Variants in KANK1 observed in about 807,000 individuals in gnomAD.
The protein encoded by KANK1 is KN motif and ankyrin repeat domain-containing protein 1.
Under a neutral mutation model 106.2 loss-of-function variants are expected in KANK1, and 109 were observed. That is an observed-to-expected ratio of 1.03 (90% CI 0.88 to 1.20). The LOEUF is 1.20. KANK1 is among the 50% of genes most tolerant of loss of function. KANK1 has a pLI of 0.00. For synonymous variants in KANK1, 873 were observed against 652.2 expected (o/e 1.34, Z -5.16); for missense variants, 2,399 against 1,710.7 (o/e 1.40, Z -7.10).
chr9:742,175 T>C (rs1357406827), intron 9 of KANK1, 30 bp from the exon 10 acceptor site: 1 of 1,605,930 alleles, frequency 6.2e-7, no homozygotes, highest in Admixed American at 1.7e-5. Context: ...CAGTACGTAC[T>C]TCTGAAGTCC....
At chr9:659,225 C>G (rs1023080840) in intron 1 of KANK1, among the ~76,000 whole-genome samples, 1 of 152,168 alleles carries the variant, frequency 6.6e-6, no homozygotes. Flanking sequence ...GGGATGTTTT[C>G]TAAATCCCTA....
At chr9:505,997 A>C (rs963888786) in intron 1 of KANK1, among the ~76,000 whole-genome samples, 24 of 152,192 alleles carry the variant, frequency 1.6e-4, no homozygotes, top group African/African-American at 5.8e-4. Flanking sequence ...AATGTTGAGC[A>C]CGTTTTATTT....
intron 2 of KANK1, chr9:677,622 A>G (rs1011398244): frequency 1.3e-5 from 2 of 152,248 alleles, no homozygotes; most frequent in African/African-American, 4.8e-5. Flanking sequence ...AGATCCTCCT[A>G]AGAGACACAT....
At chr9:567,622 A>G (rs1563781734) in intron 1 of KANK1, among the ~76,000 whole-genome samples, 1 of 152,176 alleles carries the variant, frequency 6.6e-6, no homozygotes, top group Non-Finnish European at 1.5e-5. Flanking sequence ...CTTTTGCAGC[A>G]TTTCTTAGTT....
chr9:714,269 C>T (rs762454526), intron 3 of KANK1, among the ~76,000 whole-genome samples: 1 of 151,600 alleles, frequency 6.6e-6, no homozygotes, highest in Non-Finnish European at 1.5e-5. Flanking sequence ...AAATTAACTC[C>T]GGTTATGGGA....
chr9:721,121 A>C (rs1186456341), intron 3 of KANK1, among the ~76,000 whole-genome samples: 1 of 152,190 alleles, frequency 6.6e-6, no homozygotes, highest in Non-Finnish European at 1.5e-5. Flanking sequence ...TGGCATGTTT[A>C]CAGAGTGCTT....
chr9:625,113 C>T (rs1834043192), intron 1 of KANK1, among the ~76,000 whole-genome samples: 3 of 152,192 alleles, frequency 2.0e-5, no homozygotes, highest in Admixed American at 2.0e-4. Flanking sequence ...GCGTCCTGGG[C>T]AAACCCACAG....
Position 742,353 on chromosome 9 carries a change from TTG to T in KANK1, c.3847_3848del (p.Val1283GlnfsTer53). ...GCCAGCGAGCACGGACACGTGGAGATTGTCAAGCTGCTGCTGGCCCAGCCCGG... is the reference window on the plus strand; with the variant it reads ...GCCAGCGAGCACGGACACGTGGAGATTCAAGCTGCTGCTGGCCCAGCCCGG... On this transcript the variant is annotated frameshift_variant, in exon 10 of 12. Transcript: ENST00000382297. LOFTEE classifies it high-confidence loss of function. 6.2e-7 allele frequency: 1 copy of T among 1,614,052 alleles called. No homozygotes were observed. Among genetic ancestry groups the T allele is most frequent in the Non-Finnish European group, 8.5e-7 (1 of 1,180,004 alleles).
chr9:600,396 C>T (rs1486141061), intron 1 of KANK1, among the ~76,000 whole-genome samples: 1 of 151,684 alleles, frequency 6.6e-6, no homozygotes, highest in Non-Finnish European at 1.5e-5. Context: ...AATAATATTC[C>T]ATTGTAGCAT....
At chr9:654,812 TGTGAGAGAGAGAGAGAGAGA>T (rs1216837867) in intron 1 of KANK1, among the ~76,000 whole-genome samples, 5 of 134,758 alleles carry the variant, frequency 3.7e-5, no homozygotes, top group Non-Finnish European at 7.4e-5. Flanking sequence ...TGTGTGTGTG[TGTGAGAGAGAGAGAGAGAGA>T]GAGAGAGAGA....
intron 2 of KANK1, among the ~76,000 whole-genome samples, chr9:681,743 C>A (rs1817595701): frequency 6.6e-6 from 1 of 152,112 alleles, no homozygotes; most frequent in African/African-American, 2.4e-5. Flanking sequence ...CTGCTGGACG[C>A]CATGATATTG....
At chr9:584,673 G>C (rs1486925434) in intron 1 of KANK1, among the ~76,000 whole-genome samples, 1 of 152,132 alleles carries the variant, frequency 6.6e-6, no homozygotes, top group African/African-American at 2.4e-5. Flanking sequence ...ATTTGTTAGG[G>C]AACCAAAACC....
intron 1 of KANK1, among the ~76,000 whole-genome samples, chr9:633,074 T>A (rs184112820): frequency 2.9e-4 from 44 of 152,184 alleles, no homozygotes; most frequent in African/African-American, 1.0e-3. Flanking sequence ...TTTCCTACCA[T>A]TTTCTGTCCA....
intron 1 of KANK1, chr9:660,095 CAG>C (rs2138019257): frequency 2.3e-6 from 1 of 435,388 alleles, no homozygotes; most frequent in Admixed American, 2.4e-5. Context: ...ATTCATCCAA[CAG>C]AGAAATGGCA....
chr9:536,797 G>T (rs1334586307), intron 1 of KANK1, among the ~76,000 whole-genome samples: 1 of 152,148 alleles, frequency 6.6e-6, no homozygotes, highest in South Asian at 2.1e-4. Context: ...GGGCACCTTT[G>T]GGGGGCGCAT....
rs1443773757 is a variant in KANK1 at position 732,527 on chromosome 9, C to G, written c.3155C>G (p.Ala1052Gly). 7 of 1,614,050 alleles carry G rather than the reference C, an allele frequency of 4.3e-6. No individual in the cohort carries two copies. Among genetic ancestry groups the G allele is most frequent in the Non-Finnish European group, 5.1e-6 (6 of 1,180,018 alleles). Residue 1052 changes from alanine (A) to glycine (G), a missense_variant, in exon 6 of 12, where the codon GCA becomes GGA. Coordinates refer to ENST00000382297, the MANE Select transcript of KANK1 (RefSeq NM_015158.5). ...CGGGGAATGGCAGAAGGGCACCATG[C>G]AGTTAATATTGAAGGTTTGAAGTCT... ...DTRGMAEGHH[A>G]VNIEGLKSAR... is the part of the protein sequence containing the mutation.
chr9:675,231 T>C (rs953788395), intron 1 of KANK1, among the ~76,000 whole-genome samples: 1 of 152,220 alleles, frequency 6.6e-6, no homozygotes, highest in Non-Finnish European at 1.5e-5. Flanking sequence ...TTTTGCCTTA[T>C]TAAAAACTTA....
chr9:658,699 C>A (rs1437949351), intron 1 of KANK1, among the ~76,000 whole-genome samples: 1 of 151,960 alleles, frequency 6.6e-6, no homozygotes, highest in Non-Finnish European at 1.5e-5. Context: ...ACTATAGATA[C>A]CAGATTGCTG....
intron 3 of KANK1, among the ~76,000 whole-genome samples, chr9:482,607 A>G (rs530521372): frequency 2.0e-5 from 3 of 152,228 alleles, no homozygotes; most frequent in Non-Finnish European, 2.9e-5. Context: ...TCTGTCTCCA[A>G]AAACTGACTA....
Sources: gnomAD v4.1 joint callset for allele counts (sites outside exome capture counted in the v4.1 genomes callset) on GRCh38, gnomAD v4.1.1 for gene constraint, MANE v1.5 for transcripts, NCBI Gene and HGNC (gene_info 2026-07-23, HGNC 2026-07-21) for gene names.